The following GIGYF1 variants were observed in gnomAD, a reference collection of about 807,000 sequenced individuals.
The protein encoded by GIGYF1 is GRB10 interacting GYF protein 1, also known as GRB10-interacting GYF protein 1.
Under a neutral mutation model 147.1 loss-of-function variants are expected in GIGYF1, and 84 were observed. The observed-to-expected ratio is 0.57, with a 90% CI of 0.48 to 0.68. GIGYF1 has a LOEUF of 0.68. Ranked by LOEUF, GIGYF1 falls within the 30% of genes least tolerant of loss-of-function variation. GIGYF1 has a pLI of 0.00. For synonymous variants in GIGYF1, 752 were observed against 589.5 expected, an observed-to-expected ratio of 1.28 and a Z score of -3.99; for missense variants, 1,485 against 1,393.7, an observed-to-expected ratio of 1.07 and a Z score of -1.04.
At position 100,680,328 on chromosome 7, in the gene GIGYF1, ACT is replaced by A. The variant is rs1233626651; in HGVS notation, c.*1389_*1390del. 17 of 152,618 alleles carry A rather than the reference ACT, an allele frequency of 1.1e-4. No homozygotes were observed. Among genetic ancestry groups the A allele is most frequent in the Admixed American group, 1.1e-3 (17 of 15,276 alleles). The allele number at this position is 152,618 out of a possible 1,614,324, so 9.5% of individuals were successfully genotyped here. A position where few individuals can be genotyped will look rare whatever the true frequency, so the allele number is the denominator to read the frequency against. On this transcript the variant is annotated 3_prime_UTR_variant, in exon 27 of 27. Coordinates refer to ENST00000678049, the MANE Select transcript of GIGYF1 (RefSeq NM_001375765.1). ...TGGCGAAGCCTTGCCCTAATACTGC[ACT>A]CTGAGCAATGAGGTCAATGGGAGGA...
rs753456808 is a variant in GIGYF1 at position 100,687,894 on chromosome 7, G to A, written c.166-11C>T. 12 of 1,613,654 alleles carry A rather than the reference G, an allele frequency of 7.4e-6. No individual in the cohort carries two copies. The Admixed American group carries it at 2.0e-4, about 27-fold the overall frequency. ...CAGCTCTTCCGGGACCTGGCAGTGG[G>A]TTGGGACAGCCAAGACACCACATGC... On this transcript the variant is annotated splice_polypyrimidine_tract_variant and intron_variant, in intron 5 of 26. Coordinates refer to ENST00000678049, the MANE Select transcript of GIGYF1 (RefSeq NM_001375765.1).
intron 1 of GIGYF1, among the ~76,000 whole-genome samples, chr7:100,691,506 A>ATTTTTAT (rs1554386755): frequency 1.4e-5 from 2 of 147,620 alleles, no homozygotes; most frequent in Non-Finnish European, 3.0e-5. Context: ...AAAAGAATAG[A>ATTTTTAT]TTTTTTTTTT....
rs768421223 is a variant in GIGYF1 at position 100,684,002 on chromosome 7, C to T, written c.1868+18G>A. Reference sequence around the variant, plus strand: ...CCCCCCCCACCCTGTATCCTGAGGGCTCGCACGCACCACGCACCTGGGGGG... The same window carrying T: ...CCCCCCCCACCCTGTATCCTGAGGGTTCGCACGCACCACGCACCTGGGGGG... On this transcript the variant is annotated intron_variant, in intron 18 of 26. Coordinates refer to ENST00000678049, the MANE Select transcript of GIGYF1 (RefSeq NM_001375765.1). The T allele has an allele frequency of 1.9e-6, 2 of 1,063,932 alleles. No homozygotes were observed. The highest frequency in any genetic ancestry group is 2.7e-6 in the Non-Finnish European group (2 of 742,232). The allele number at this position is 1,063,932 out of a possible 1,614,324, so 65.9% of individuals were successfully genotyped here.
At position 100,687,981 on chromosome 7, in the gene GIGYF1, C is replaced by T. The variant is rs756553943; in HGVS notation, c.165G>A (p.Lys55=). The T allele has an allele frequency of 6.2e-7, 1 of 1,612,118 alleles. No individual in the cohort carries two copies. The highest frequency in any genetic ancestry group is 8.5e-7 in the Non-Finnish European group (1 of 1,178,690). The change falls in exon 5 of 27, where the codon AAG becomes AAA. Residue 55 remains lysine, a splice_region_variant and synonymous_variant. Coordinates refer to ENST00000678049, the MANE Select transcript of GIGYF1 (RefSeq NM_001375765.1). ...CAACCCCCCTCGCCCACGCACCCAC[C>T]TTGTTCTCCTTGACGTAGAGAGCCA... ...EMLALYVKEN[K]VPEELQDKEF... is the part of the protein sequence containing the mutation.
Position 100,682,993 on chromosome 7 carries a change from A to G in GIGYF1, c.2412+19T>C, listed in dbSNP as rs1276170066. On this transcript the variant is annotated intron_variant, in intron 22 of 26. Transcript: ENST00000678049. ...CTGGAAACTGTAGGGGGAGCCCGGG[A>G]GGTTCCCGGCCTGCTCACCACTCGG... The G allele has an allele frequency of 6.1e-6, 9 of 1,476,424 alleles. No individual in the cohort carries two copies. The highest frequency in any genetic ancestry group is 8.1e-6 in the Non-Finnish European group (9 of 1,113,870). 91.5% of individuals were successfully genotyped at this position (1,476,424 alleles called of 1,614,324 possible).
In GIGYF1 at chr7:100,683,894, C is replaced by T. The variant is rs974985405; in HGVS notation, c.1893G>A (p.Pro631=). 47 of 1,554,930 alleles carry T rather than the reference C, an allele frequency of 3.0e-5. No individual in the cohort carries two copies. Among genetic ancestry groups the T allele is most frequent in the Non-Finnish European group, 3.6e-5 (41 of 1,148,962 alleles). The change falls in exon 19 of 27, where the codon CCG becomes CCA. Residue 631 remains proline (P), a synonymous_variant. Coordinates refer to ENST00000678049, the MANE Select transcript of GIGYF1 (RefSeq NM_001375765.1). ...GCACCGACAAGGACCGGCTCATCGT[C>T]GGGAGCAGGTTCTGGTCCCCGCCTC... ...PPRGGDQNLL[P]TMSRSLSVPD...
intron 10 of GIGYF1, 101 bp from the exon 11 acceptor site, chr7:100,686,534 GC>G: frequency 6.6e-7 from 1 of 1,518,872 alleles, no homozygotes; most frequent in Non-Finnish European, 8.8e-7. Flanking sequence ...TGCTGTCCCG[GC>G]CACTCCCACA....
intron 1 of GIGYF1, among the ~76,000 whole-genome samples, chr7:100,691,014 G>T (rs532810890): frequency 1.2e-4 from 18 of 152,078 alleles, no homozygotes; most frequent in African/African-American, 4.1e-4. Flanking sequence ...CGCCTTCTTG[G>T]GAAGAAACCA....
Position 100,683,399 on chromosome 7 carries a change from C to T in GIGYF1, c.2098G>A (p.Glu700Lys), listed in dbSNP as rs1181223425. The change falls in exon 21 of 27, where the codon GAG (glutamate) becomes AAG (lysine). Residue 700 changes from glutamate (E) to lysine (K), a missense_variant. Coordinates refer to ENST00000678049, the MANE Select transcript of GIGYF1 (RefSeq NM_001375765.1). ...TTCTCCTCTCGACGCTTGCGTTCCTCTTCCTCCCGCTTCGCCCTGAGCTCC... is the reference window on the plus strand; with the variant it reads ...TTCTCCTCTCGACGCTTGCGTTCCTTTTCCTCCCGCTTCGCCCTGAGCTCC... The part of the protein sequence containing the change: ...EVELRAKREE[E>K]ERKRREEKRR... 1.2e-6 allele frequency: 2 copies of T among 1,613,764 alleles called. No homozygotes were observed. Among genetic ancestry groups the T allele is most frequent in the Admixed American group, 1.7e-5 (1 of 60,034 alleles).
At chr7:100,684,689 G>A (rs779541323) in intron 15 of GIGYF1, 34 bp downstream of exon 15, 8 of 1,610,938 alleles carry the variant, frequency 5.0e-6, no homozygotes, top group Admixed American at 1.7e-5. Context: ...GAACCAGAAC[G>A]GCCTTGAGCA....
At position 100,688,911 on chromosome 7, in the gene GIGYF1, G is replaced by A. The variant is rs1805618216; in HGVS notation, c.-454C>T. 6.3e-6 allele frequency: 1 copy of A among 159,050 alleles called. No homozygotes were observed. The highest frequency in any genetic ancestry group is 1.7e-4 in the South Asian group (1 of 5,988). The allele number at this position is 159,050 out of a possible 1,614,324, so 9.9% of individuals were successfully genotyped here. Reference sequence around the variant, plus strand: ...CGGGGAGGGAGGCAGCCGAGGCCAGGATGGACGTTCAGGGCAAAGATAAAA... The same window carrying A: ...CGGGGAGGGAGGCAGCCGAGGCCAGAATGGACGTTCAGGGCAAAGATAAAA... On this transcript the variant is annotated 5_prime_UTR_variant, in exon 2 of 27. Coordinates refer to ENST00000678049, the MANE Select transcript of GIGYF1 (RefSeq NM_001375765.1).
chr7:100,694,028 GCGCGGCCGC>G (rs1305915607), intron 1 of GIGYF1, 73 bp downstream of exon 1: 1 of 146,226 alleles, frequency 6.8e-6, no homozygotes, highest in Non-Finnish European at 1.5e-5. Context: ...CGCGGGCTCG[GCGCGGCCGC>G]CGCGGCGTCG....
chr7:100,685,187 GGA>G, intron 13 of GIGYF1, 41 bp from the exon 14 acceptor site: 1 of 1,532,366 alleles, frequency 6.5e-7, no homozygotes, highest in Non-Finnish European at 8.9e-7. Context: ...AGGGCGGGGA[GGA>G]GACAAGATAG....
rs770263326 is a variant in GIGYF1 at position 100,687,015 on chromosome 7, G to A, written c.514C>T (p.Arg172Trp). Residue 172 changes from arginine to tryptophan, a missense_variant, in exon 9 of 27, where the codon CGG (arginine) becomes TGG (tryptophan). Coordinates refer to ENST00000678049, the MANE Select transcript of GIGYF1 (RefSeq NM_001375765.1). ...GERRFEKSAR[R>W]DGARCGFEEG... ...CTCAGCAGCCTCGTACCTCCATCCC[G>A]CCTTGCTGACTTCTCAAACCGCCTC... 5.6e-6 allele frequency: 9 copies of A among 1,613,698 alleles called. No homozygotes were observed. Among genetic ancestry groups the A allele is most frequent in the East Asian group, 2.2e-5 (1 of 44,902 alleles).
Position 100,686,657 on chromosome 7 carries a change from GCGGAGCGCCAGCGGTCGC to G in GIGYF1, c.668_685del (p.Gly223_Ser228del). ...CCAGGCCCCAATCTCACCAGGGCTG[GCGGAGCGCCAGCGGTCGC>G]CGTCTCGCCGGGGCCCTGCTCCGAG... is the stretch of plus-strand genomic sequence containing the variant. On this transcript the variant is annotated inframe_deletion, in exon 10 of 27. Transcript: ENST00000678049. The G allele has an allele frequency of 6.2e-7, 1 of 1,611,312 alleles. No individual in the cohort carries two copies. The highest frequency in any genetic ancestry group is 8.5e-7 in the Non-Finnish European group (1 of 1,179,292).
rs746456060 is a variant in GIGYF1, at chr7:100,688,576, T to TTGGCCCGGGGCTCACCTGGCAGCC, written c.-143_-135+15dup. ...TTCGGCCTCAGCAGGGCAACCACCC[T>TTGGCCCGGGGCTCACCTGGCAGCC]TGGCCCGGGGCTCACCTGGCAGCCT... On this transcript the variant is annotated intron_variant, in intron 2 of 26. Coordinates refer to ENST00000678049, the MANE Select transcript of GIGYF1 (RefSeq NM_001375765.1). 2 of 559,246 alleles carry TTGGCCCGGGGCTCACCTGGCAGCC rather than the reference T, an allele frequency of 3.6e-6. No homozygotes were observed. Among genetic ancestry groups the TTGGCCCGGGGCTCACCTGGCAGCC allele is most frequent in the East Asian group, 8.3e-5 (2 of 24,042 alleles). 34.6% of individuals were successfully genotyped at this position (559,246 alleles called of 1,614,324 possible).
chr7:100,689,717 C>T (rs1805676024), intron 1 of GIGYF1, among the ~76,000 whole-genome samples, 162 bp from the exon 2 acceptor site: 2 of 152,180 alleles, frequency 1.3e-5, no homozygotes, highest in African/African-American at 4.8e-5. Context: ...GGCTGGCCTC[C>T]CCTGGGACCT....
chr7:100,680,099 AG>A lies in GIGYF1; in HGVS notation c.*1619del, dbSNP rs1204372385. 1 of 139,282 alleles carries A rather than the reference AG, an allele frequency of 7.2e-6. No individual in the cohort carries two copies. The highest frequency in any genetic ancestry group is 1.5e-5 in the Non-Finnish European group (1 of 65,628). The allele number at this position is 139,282 out of a possible 1,614,324, so 8.6% of individuals were successfully genotyped here. A position where few individuals can be genotyped will look rare whatever the true frequency, so the allele number is the denominator to read the frequency against. ...AACACTGTGGGAACCAGGGAGAGGC[AG>A]GTGGGGGCCCCCCACCCCGAGGCCA... is the stretch of plus-strand genomic sequence containing the variant. On this transcript the variant is annotated 3_prime_UTR_variant, in exon 27 of 27. Coordinates refer to ENST00000678049, the MANE Select transcript of GIGYF1 (RefSeq NM_001375765.1).
intron 1 of GIGYF1, among the ~76,000 whole-genome samples, chr7:100,690,503 C>T (rs752488863): frequency 3.3e-5 from 5 of 152,144 alleles, no homozygotes; most frequent in Non-Finnish European, 7.4e-5. Flanking sequence ...AAAAAGTGGC[C>T]AGGCGTGGTG....
Sources: gnomAD v4.1 joint callset for allele counts (sites outside exome capture counted in the v4.1 genomes callset) on GRCh38, gnomAD v4.1.1 for gene constraint, MANE v1.5 for transcripts, NCBI Gene and HGNC (gene_info 2026-07-23, HGNC 2026-07-21) for gene names.